Variants in ZC3H12B observed in about 807,000 individuals in gnomAD.
ZC3H12B encodes the protein zinc finger CCCH-type containing 12B, also known as probable ribonuclease ZC3H12B.
A neutral mutation model predicts 43.9 loss-of-function variants in ZC3H12B; 7 were observed. That is an observed-to-expected ratio of 0.16 (90% CI 0.09 to 0.30). The LOEUF is 0.30. Ranked by LOEUF, ZC3H12B falls within the 10% of genes least tolerant of loss-of-function variation. The pLI, the probability that ZC3H12B is intolerant of heterozygous loss-of-function variation, is 1.00. For missense variants in ZC3H12B, 475 were observed against 670.2 expected (o/e 0.71, Z 3.22); for synonymous variants, 222 against 241.7 (o/e 0.92, Z 0.76).
At chrX:65,311,709 G>T in the ZC3H12B span, among the ~76,000 whole-genome samples, 2 of 111,340 alleles carry the variant, frequency 1.8e-5, no homozygotes, top group Non-Finnish European at 3.8e-5. Context: ...GTTTTTTGTG[G>T]CCCTATTCAC....
the ZC3H12B span, among the ~76,000 whole-genome samples, chrX:65,086,894 G>T: frequency 1.8e-5 from 2 of 111,728 alleles, no homozygotes; most frequent in Admixed American, 9.5e-5. Context: ...TCCTAAGCTT[G>T]TTTCAGCTCT....
At chrX:65,130,224 G>A in the ZC3H12B span, among the ~76,000 whole-genome samples, 1 of 111,094 alleles carries the variant, frequency 9.0e-6, no homozygotes, top group African/African-American at 3.3e-5. Context: ...ACAGTAAGGG[G>A]TATGAAGGTT....
the ZC3H12B span, among the ~76,000 whole-genome samples, chrX:65,170,878 G>C: frequency 8.9e-6 from 1 of 111,986 alleles, no homozygotes; most frequent in Non-Finnish European, 1.9e-5. Flanking sequence ...ATGGTTTTCA[G>C]CTCCATCAGG....
chrX:65,451,150 G>A (rs936033757), intron 3 of ZC3H12B, among the ~76,000 whole-genome samples: 8 of 109,703 alleles, frequency 7.3e-5, no homozygotes, highest in Admixed American at 3.0e-4. Flanking sequence ...GGGTTTCACC[G>A]TGTTAGCCAA....
At chrX:65,190,623 G>T in the ZC3H12B span, among the ~76,000 whole-genome samples, 1 of 107,360 alleles carries the variant, frequency 9.3e-6, no homozygotes, top group Non-Finnish European at 1.9e-5. Flanking sequence ...GTATAAGAAT[G>T]CTTGTGATTT....
chrX:65,457,516 T>G (rs1212223275), intron 3 of ZC3H12B, among the ~76,000 whole-genome samples: 4 of 90,146 alleles, frequency 4.4e-5, no homozygotes, highest in African/African-American at 2.5e-4. Context: ...CCGCCCCTAC[T>G]GGGAAGTGGG....
chrX:65,064,751 C>A, the ZC3H12B span, among the ~76,000 whole-genome samples: 1 of 111,708 alleles, frequency 9.0e-6, no homozygotes, highest in East Asian at 2.8e-4. Flanking sequence ...ATGTTAAAGT[C>A]TCCCACTATT....
chrX:65,112,873 T>A, the ZC3H12B span, among the ~76,000 whole-genome samples: 5 of 112,145 alleles, frequency 4.5e-5, no homozygotes, highest in African/African-American at 1.6e-4. Context: ...AATTCTGACT[T>A]TCAAGTCTTA....
the ZC3H12B span, among the ~76,000 whole-genome samples, chrX:65,077,285 C>T: frequency 1.8e-5 from 2 of 111,836 alleles, no homozygotes; most frequent in African/African-American, 6.5e-5. Flanking sequence ...AAGCTACTGG[C>T]ACTGAGTCTT....
chrX:65,470,185 C>T (rs2067889856), intron 3 of ZC3H12B: 1 of 121,799 alleles, frequency 8.2e-6, no homozygotes, highest in Non-Finnish European at 1.8e-5. Flanking sequence ...CTGATGTGAG[C>T]CTACTTTGGC....
the ZC3H12B span, among the ~76,000 whole-genome samples, chrX:65,249,528 T>C: frequency 8.9e-6 from 1 of 111,980 alleles, no homozygotes; most frequent in Non-Finnish European, 1.9e-5. Flanking sequence ...TTAGTCTTGC[T>C]TTGGCTATGT....
chrX:65,463,551 A>T (rs1009787872), intron 3 of ZC3H12B, among the ~76,000 whole-genome samples: 1 of 111,549 alleles, frequency 9.0e-6, no homozygotes, highest in Non-Finnish European at 1.9e-5. Flanking sequence ...TCTGAAATCT[A>T]GGTGCTGGCA....
At chrX:65,122,099 G>T in the ZC3H12B span, among the ~76,000 whole-genome samples, 2 of 111,189 alleles carry the variant, frequency 1.8e-5, no homozygotes, top group Non-Finnish European at 3.8e-5. Flanking sequence ...AGTGTGGTGT[G>T]GTGCTGAGAA....
At chrX:65,111,059 A>G in the ZC3H12B span, among the ~76,000 whole-genome samples, 1 of 111,301 alleles carries the variant, frequency 9.0e-6, no homozygotes, top group African/African-American at 3.2e-5. Flanking sequence ...TTAGAGATAC[A>G]TTTGATTTTA....
the ZC3H12B span, among the ~76,000 whole-genome samples, chrX:65,335,716 T>C: frequency 3.5e-3 from 397 of 111,926 alleles, 1 homozygote; most frequent in Non-Finnish European, 6.3e-3. Context: ...GCAGCTTTCA[T>C]TGCTCTTCCG....
At chrX:65,422,993 T>C (rs1479654284) in intron 3 of ZC3H12B, among the ~76,000 whole-genome samples, 3 of 93,327 alleles carry the variant, frequency 3.2e-5, no homozygotes. Flanking sequence ...ACTGCAGTGG[T>C]GCAATCTCAG....
the ZC3H12B span, among the ~76,000 whole-genome samples, chrX:65,170,476 T>C: frequency 8.9e-6 from 1 of 111,745 alleles, no homozygotes; most frequent in East Asian, 2.8e-4. Flanking sequence ...ATTTTTCCCT[T>C]CTTTTCAACT....
At chrX:65,201,305 A>G in the ZC3H12B span, among the ~76,000 whole-genome samples, 1 of 111,081 alleles carries the variant, frequency 9.0e-6, no homozygotes, top group Non-Finnish European at 1.9e-5. Flanking sequence ...GAATTTATCC[A>G]TTTCTTCTAG....
At chrX:65,193,874 G>T in the ZC3H12B span, among the ~76,000 whole-genome samples, 3 of 111,583 alleles carry the variant, frequency 2.7e-5, no homozygotes, top group South Asian at 7.6e-4. Flanking sequence ...AAGAAAAGAA[G>T]TTTAATTGGC....
Sources: allele counts gnomAD v4.1 joint callset (sites outside exome capture counted in the v4.1 genomes callset), GRCh38; gene constraint gnomAD v4.1.1; transcripts MANE v1.5; gene names NCBI Gene and HGNC (gene_info 2026-07-23, HGNC 2026-07-21).